Variants in STAT5A observed in about 807,000 individuals in gnomAD.
STAT5A encodes signal transducer and activator of transcription 5A.
A neutral mutation model predicts 100.2 loss-of-function variants in STAT5A; 26 were observed. That is an observed-to-expected ratio of 0.26 (90% confidence interval 0.19 to 0.36). The LOEUF is 0.36. STAT5A is among the 10% of genes least tolerant of loss of function. The pLI, the probability that STAT5A is intolerant of heterozygous loss-of-function variation, is 1.00. For synonymous variants in STAT5A, 330 were observed against 424.3 expected (o/e 0.78, Z 2.73); for missense variants, 634 against 1,027.5 (o/e 0.62, Z 5.24).
At chr17:42,290,120 A>G (rs1598353205) in intron 3 of STAT5A, 98 bp downstream of exon 3, 2 of 1,403,904 alleles carry the variant, frequency 1.4e-6, no homozygotes, top group South Asian at 1.6e-5. Flanking sequence ...CTGACTCACC[A>G]TGTGACCACG....
chr17:42,299,047 C>T (rs369871441), intron 5 of STAT5A, among the ~76,000 whole-genome samples: 67 of 152,154 alleles, frequency 4.4e-4, no homozygotes, highest in East Asian at 1.4e-3. Context: ...CCTTCCAGCC[C>T]CTCAAGAATC....
At chr17:42,295,541 A>G in intron 4 of STAT5A, 78 bp from the exon 5 acceptor site, 2 of 1,487,788 alleles carry the variant, frequency 1.3e-6, no homozygotes, top group East Asian at 2.4e-5. Context: ...TGGGGTCTGT[A>G]GTATTGGTGT....
Position 42,308,445 on chromosome 17 carries a change from A to C in STAT5A, c.2062+112A>C. The C allele has an allele frequency of 6.7e-7, 1 of 1,492,886 alleles. No individual in the cohort carries two copies. Among genetic ancestry groups the C allele is most frequent in the Non-Finnish European group, 9.1e-7 (1 of 1,094,588 alleles). 92.5% of individuals were successfully genotyped at this position (1,492,886 alleles called of 1,614,324 possible). On this transcript the variant is annotated intron_variant, in intron 16 of 18. Transcript: ENST00000590949. The surrounding 1 kb of genome is among the most constrained non-coding windows in gnomAD (Gnocchi z 4.6). ...CTTCCCCAGGAGGAGCCTAGGGGCCATGTCCCCTGTGGGTTTTGGCCCATG... is the reference window on the plus strand; with the variant it reads ...CTTCCCCAGGAGGAGCCTAGGGGCCCTGTCCCCTGTGGGTTTTGGCCCATG...
chr17:42,310,203 C>T (rs573314599), intron 18 of STAT5A, among the ~76,000 whole-genome samples: 1 of 152,376 alleles, frequency 6.6e-6, no homozygotes, highest in African/African-American at 2.4e-5. Flanking sequence ...TGCAGCTGAG[C>T]ATCATTGCAG....
chr17:42,288,482 C>A, upstream of STAT5A: 1 of 152,926 alleles, frequency 6.5e-6, no homozygotes. This position sits in a 1 kb window ranked among gnomAD's most constrained non-coding sequence, Gnocchi z 4.8. Flanking sequence ...AATCGCTGCT[C>A]TCCGCTCCTT....
At chr17:42,298,195 G>C (rs979712594) in intron 5 of STAT5A, among the ~76,000 whole-genome samples, 1 of 151,352 alleles carries the variant, frequency 6.6e-6, no homozygotes, top group Non-Finnish European at 1.5e-5. Flanking sequence ...ATGGAGTCTT[G>C]CTCTGTTGCC....
intron 18 of STAT5A, 25 bp downstream of exon 18, chr17:42,309,509 G>T (rs569390307): frequency 1.2e-6 from 2 of 1,607,354 alleles, no homozygotes; most frequent in African/African-American, 1.3e-5. Flanking sequence ...CATGGGGTCC[G>T]CAGGGGAAGA....
At chr17:42,296,352 T>C (rs149455778) in intron 5 of STAT5A, among the ~76,000 whole-genome samples, 3 of 152,218 alleles carry the variant, frequency 2.0e-5, no homozygotes, top group African/African-American at 7.2e-5. Flanking sequence ...AAAATTCTCC[T>C]GTATCCTAGG....
chr17:42,295,308 G>A (rs946313842), intron 4 of STAT5A, among the ~76,000 whole-genome samples: 4 of 152,156 alleles, frequency 2.6e-5, no homozygotes, highest in African/African-American at 9.7e-5. Context: ...TCCCTGGGAG[G>A]AAATTAGATG....
intron 4 of STAT5A, among the ~76,000 whole-genome samples, chr17:42,292,661 C>G (rs2080881873): frequency 6.6e-6 from 1 of 151,078 alleles, no homozygotes; most frequent in African/African-American, 2.4e-5. Context: ...CAGTCTTGCT[C>G]TGTTGCCCAG....
chr17:42,301,166 C>A, intron 8 of STAT5A, 109 bp from the exon 9 acceptor site: 1 of 1,510,364 alleles, frequency 6.6e-7, no homozygotes, highest in Non-Finnish European at 9.0e-7. Flanking sequence ...CCGAGCTCAT[C>A]ACCTCCTGAG....
In STAT5A at chr17:42,299,834, G is replaced by A. The variant is rs1227462811; in HGVS notation, c.634G>A (p.Glu212Lys). The A allele has an allele frequency of 6.2e-7, 1 of 1,612,996 alleles. No individual in the cohort carries two copies. The highest frequency in any genetic ancestry group is 2.2e-5 in the East Asian group (1 of 44,830). ...CCTCCAGCAGAAGCAGGTGTCTCTG[G>A]AGGCCTGGTTGCAGCGTGAGGCACA... Reference protein sequence around the residue: ...TALQQKQVSLEAWLQREAQTL... With the variant: ...TALQQKQVSLKAWLQREAQTL... The change falls in exon 6 of 19, where the codon GAG becomes AAG. Residue 212 changes from glutamate to lysine, a missense_variant. Physicochemically the swap from Glu to Lys is moderately conservative, Grantham distance 56. Transcript: ENST00000590949.
At chr17:42,298,676 T>TTAGCCAGGATGGTCTC (rs1380553865) in intron 5 of STAT5A, among the ~76,000 whole-genome samples, 3 of 151,680 alleles carry the variant, frequency 2.0e-5, no homozygotes, top group Non-Finnish European at 1.5e-5. Flanking sequence ...TTTCACTGTG[T>TTAGCCAGGATGGTCTC]TAGCCAGGAT....
chr17:42,290,578 A>G (rs1476258082), intron 3 of STAT5A, among the ~76,000 whole-genome samples: 2 of 152,098 alleles, frequency 1.3e-5, no homozygotes, highest in Non-Finnish European at 2.9e-5. Context: ...TTTCCTAGAG[A>G]GCCCTTCAAT....
intron 5 of STAT5A, among the ~76,000 whole-genome samples, chr17:42,298,317 T>C (rs994419756): frequency 3.3e-5 from 5 of 151,818 alleles, no homozygotes; most frequent in Admixed American, 2.0e-4. Flanking sequence ...TGCGCCACCA[T>C]GCCCAGCTAA....
chr17:42,291,378 G>C (rs1232439282), intron 3 of STAT5A, among the ~76,000 whole-genome samples: 1 of 152,134 alleles, frequency 6.6e-6, no homozygotes, highest in Non-Finnish European at 1.5e-5. Context: ...ATGGCCCAGG[G>C]GTTTGGGACC....
In STAT5A at chr17:42,298,089, A is replaced by G. The variant is rs148872076; in HGVS notation, c.551-1662A>G. On this transcript the variant is annotated intron_variant, in intron 5 of 18. Transcript: ENST00000590949. ...GGTGGTTGTAACTGTGGACATGTTT[A>G]CTTTCTTAGCCTGGGTTATTGATAC... Among the ~76,000 whole-genome samples, 564 of 151,124 alleles carry G rather than the reference A, an allele frequency of 3.7e-3. 3 individuals carry two copies. Among genetic ancestry groups the G allele is most frequent in the African/African-American group, 0.013 (545 of 40,956 alleles).
chr17:42,289,255 C>T, intron 1 of STAT5A, 147 bp from the exon 2 acceptor site: 1 of 911,702 alleles, frequency 1.1e-6, no homozygotes, highest in Non-Finnish European at 1.5e-6. Context: ...CTCACCATCT[C>T]TGTTCCCGCA....
rs1041573611 is a variant in STAT5A at position 42,307,734 on chromosome 17, G to A, written c.1906+11G>A. On this transcript the variant is annotated intron_variant, in intron 15 of 18. Transcript: ENST00000590949. ...GGAAGTTTGACTCCCGTGAGTGCCC[G>A]TTTTGCCCACACTCCAGCCCCAAGG... 6.8e-6 allele frequency: 11 copies of A among 1,612,644 alleles called. No homozygotes were observed. Among genetic ancestry groups the A allele is most frequent in the Middle Eastern group, 1.7e-4 (1 of 6,050 alleles).
Sources: gnomAD v4.1 joint callset for allele counts (sites outside exome capture counted in the v4.1 genomes callset) on GRCh38, gnomAD v4.1.1 for gene constraint, Gnocchi (gnomAD v3.1) non-coding constraint, MANE v1.5 for transcripts, NCBI Gene and HGNC (gene_info 2026-07-23, HGNC 2026-07-21) for gene names.